CTNNA3: variants seen among roughly 807,000 people sequenced by gnomAD.
CTNNA3 encodes catenin alpha-3.
Under a neutral mutation model 95.7 loss-of-function variants are expected in CTNNA3, and 76 were observed. That is an observed-to-expected ratio of 0.79 (90% CI 0.66 to 0.96). CTNNA3 has a LOEUF of 0.96. Ranked by LOEUF, CTNNA3 falls within the 40% of genes least tolerant of loss-of-function variation. The probability of loss-of-function intolerance (pLI) is 0.00; values close to 1 mark genes in which losing one functional copy is unlikely to be tolerated. For synonymous variants in CTNNA3, 431 were observed against 374.4 expected (o/e 1.15, Z -1.74); for missense variants, 1,191 against 1,089.8 (o/e 1.09, Z -1.31).
chr10:67,590,689 T>A (rs1156617039), intron 3 of CTNNA3, among the ~76,000 whole-genome samples: 1 of 152,162 alleles, frequency 6.6e-6, no homozygotes, highest in Non-Finnish European at 1.5e-5. Flanking sequence ...TATACTCTTC[T>A]GTGAAATTCT....
chr10:67,223,533 C>T (rs1458011299), intron 5 of CTNNA3, among the ~76,000 whole-genome samples: 1 of 152,088 alleles, frequency 6.6e-6, no homozygotes. Context: ...GTTAAGAAGA[C>T]ATTAAATGTT....
chr10:67,464,199 T>A (rs1314461496), intron 5 of CTNNA3, among the ~76,000 whole-genome samples: 1 of 152,188 alleles, frequency 6.6e-6, no homozygotes, highest in African/African-American at 2.4e-5. Context: ...CATAAACTGA[T>A]CTATTCATGC....
intron 9 of CTNNA3, among the ~76,000 whole-genome samples, chr10:66,736,678 T>A (rs1043889285): frequency 2.0e-5 from 3 of 152,116 alleles, no homozygotes; most frequent in South Asian, 4.1e-4. Context: ...AGTTATTATT[T>A]CCTATTTGAC....
At chr10:66,819,835 AG>A (rs1297066104) in intron 7 of CTNNA3, among the ~76,000 whole-genome samples, 2 of 152,182 alleles carry the variant, frequency 1.3e-5, no homozygotes, top group Non-Finnish European at 2.9e-5. Flanking sequence ...AGAAATAAAA[AG>A]GGTTGGCCAG....
chr10:66,641,046 C>A (rs986382599), intron 9 of CTNNA3, among the ~76,000 whole-genome samples: 1 of 152,014 alleles, frequency 6.6e-6, no homozygotes, highest in Non-Finnish European at 1.5e-5. Flanking sequence ...AATTAAGGAA[C>A]CACTCTATCT....
chr10:66,444,744 G>C (rs2093405341), intron 11 of CTNNA3, among the ~76,000 whole-genome samples: 2 of 152,072 alleles, frequency 1.3e-5, no homozygotes, highest in Admixed American at 1.3e-4. Context: ...AGACCATCAA[G>C]GCTAGGAAGA....
chr10:66,774,104 C>G (rs1041424693), intron 8 of CTNNA3, among the ~76,000 whole-genome samples: 1 of 152,058 alleles, frequency 6.6e-6, no homozygotes, highest in South Asian at 2.1e-4. Flanking sequence ...ATTCTAAAAC[C>G]TTTAGAAGTA....
chr10:66,038,525 T>C (rs2079614616), intron 15 of CTNNA3, among the ~76,000 whole-genome samples: 1 of 152,246 alleles, frequency 6.6e-6, no homozygotes, highest in Non-Finnish European at 1.5e-5. Context: ...CAGTAGGATA[T>C]ACATTTGAGC....
At chr10:65,995,279 C>T (rs908971300) in intron 15 of CTNNA3, among the ~76,000 whole-genome samples, 2 of 151,980 alleles carry the variant, frequency 1.3e-5, no homozygotes, top group Non-Finnish European at 2.9e-5. Context: ...GTGTAAGTCA[C>T]TTCTTTATTT....
chr10:66,704,504 C>G lies in CTNNA3; in HGVS notation c.1281+61760G>C, dbSNP rs78469332. 5.6e-3 allele frequency among the ~76,000 whole-genome samples: 847 copies of G among 152,164 alleles called. 7 individuals are homozygous for G. Among genetic ancestry groups the G allele is most frequent in the African/African-American group, 0.015 (607 of 41,512 alleles). On this transcript the variant is annotated intron_variant, in intron 9 of 17. Coordinates refer to ENST00000433211, the MANE Select transcript of CTNNA3 (RefSeq NM_013266.4). ...CATGTGACACATTATTGGAAACCTG[C>G]CATTGGTGTGTTTGGCCTGCATACA...
intron 7 of CTNNA3, among the ~76,000 whole-genome samples, chr10:67,107,240 AG>A (rs1327187013): frequency 6.6e-6 from 1 of 152,252 alleles, no homozygotes; most frequent in African/African-American, 2.4e-5. Flanking sequence ...ATTGCCTAAA[AG>A]CTCAGAGCCA....
At chr10:67,583,709 A>T (rs1039638620) in intron 3 of CTNNA3, among the ~76,000 whole-genome samples, 2 of 152,148 alleles carry the variant, frequency 1.3e-5, no homozygotes, top group Non-Finnish European at 2.9e-5. Flanking sequence ...TCAGACGTAG[A>T]TGTGGTCTTT....
At chr10:67,335,236 G>A (rs1005390428) in intron 5 of CTNNA3, among the ~76,000 whole-genome samples, 1 of 152,170 alleles carries the variant, frequency 6.6e-6, no homozygotes, top group African/African-American at 2.4e-5. Flanking sequence ...GGGAGTGTGT[G>A]TATGAGTGAG....
At chr10:67,568,575 G>A (rs1171483385) in intron 3 of CTNNA3, among the ~76,000 whole-genome samples, 1 of 150,820 alleles carries the variant, frequency 6.6e-6, no homozygotes, top group Non-Finnish European at 1.5e-5. Flanking sequence ...ATATATATAT[G>A]CAAGGAAATA....
chr10:67,486,508 A>C (rs1416032705), intron 5 of CTNNA3, among the ~76,000 whole-genome samples: 2 of 151,970 alleles, frequency 1.3e-5, no homozygotes, highest in Admixed American at 6.6e-5. Flanking sequence ...ATCTACATTC[A>C]ATTTCTGCTT....
Position 65,916,511 on chromosome 10 carries a change from T to C in CTNNA3, c.*3819A>G, listed in dbSNP as rs1317632790. The C allele has an allele frequency of 6.6e-6, 1 of 152,076 alleles. No individual in the cohort carries two copies. Among genetic ancestry groups the C allele is most frequent in the Non-Finnish European group, 1.5e-5 (1 of 67,998 alleles). 9.4% of individuals were successfully genotyped at this position (152,076 alleles called of 1,614,324 possible). A position where few individuals can be genotyped will look rare whatever the true frequency, so the allele number is the denominator to read the frequency against. ...CACTCATACTACCACTATACAAAAA[T>C]CTGTAGCCATGGGAACCACAATCTC... On this transcript the variant is annotated 3_prime_UTR_variant, in exon 18 of 18. Coordinates refer to ENST00000433211, the MANE Select transcript of CTNNA3 (RefSeq NM_013266.4).
intron 16 of CTNNA3, among the ~76,000 whole-genome samples, chr10:65,973,868 C>A (rs2078158936): frequency 6.6e-6 from 1 of 152,110 alleles, no homozygotes; most frequent in African/African-American, 2.4e-5. Context: ...CAGGCCCCAC[C>A]TCCAACATTG....
intron 7 of CTNNA3, among the ~76,000 whole-genome samples, chr10:66,833,649 C>T (rs1293690590): frequency 3.9e-5 from 6 of 152,170 alleles, no homozygotes; most frequent in Non-Finnish European, 5.9e-5. Flanking sequence ...CTTGCTCCAA[C>T]ACTTTTATGT....
chr10:66,775,928 G>A (rs145204964), intron 7 of CTNNA3, among the ~76,000 whole-genome samples: 3 of 152,174 alleles, frequency 2.0e-5, no homozygotes, highest in Non-Finnish European at 4.4e-5. Context: ...TATTGTGTAA[G>A]TTATGCAGAG....
Sources: gnomAD v4.1 joint callset for allele counts (sites outside exome capture counted in the v4.1 genomes callset) on GRCh38, gnomAD v4.1.1 for gene constraint, MANE v1.5 for transcripts, NCBI Gene and HGNC (gene_info 2026-07-23, HGNC 2026-07-21) for gene names.